The following CARD8 variants were observed in gnomAD, a reference collection of about 807,000 sequenced individuals.
CARD8 encodes caspase recruitment domain-containing protein 8.
In CARD8, 38 loss-of-function variants were observed where a neutral mutation model predicts 53.2. The observed-to-expected ratio is 0.71, with a 90% confidence interval of 0.55 to 0.94. CARD8 has a LOEUF of 0.94. Ranked by LOEUF, CARD8 falls within the 40% of genes least tolerant of loss-of-function variation. The pLI is 0.00. For synonymous variants in CARD8, 245 were observed against 244.9 expected (o/e 1.00, Z 0.00); for missense variants, 561 against 655.5 (o/e 0.86, Z 1.57).
downstream of CARD8, among the ~76,000 whole-genome samples, chr19:48,205,664 A>G (rs1037899077): frequency 2.0e-5 from 3 of 152,182 alleles, no homozygotes; most frequent in African/African-American, 4.8e-5. Flanking sequence ...ACAGATGAGG[A>G]AACTGCACCA....
intron 10 of CARD8, among the ~76,000 whole-genome samples, chr19:48,227,802 CA>C (rs35853514): frequency 0.69 from 89,805 of 130,386 alleles, 28,682 homozygotes; most frequent in South Asian, 0.75. Flanking sequence ...GACTCCATCA[CA>C]AAAAAAAAAA....
chr19:48,219,091 A>G, intron 11 of CARD8, 79 bp from the exon 12 acceptor site: 1 of 1,344,238 alleles, frequency 7.4e-7, no homozygotes, highest in Non-Finnish European at 1.1e-6. Flanking sequence ...GGCCAATGGA[A>G]CTTAACCCGT....
intron 5 of CARD8, among the ~76,000 whole-genome samples, chr19:48,236,924 C>T (rs923490871): frequency 4.6e-5 from 7 of 152,034 alleles, no homozygotes; most frequent in Non-Finnish European, 8.8e-5. Context: ...TACAGGCATG[C>T]GCCACCAAGC....
intron 10 of CARD8, 23 bp downstream of exon 10, chr19:48,230,415 G>A: frequency 6.3e-7 from 1 of 1,575,862 alleles, no homozygotes; most frequent in Non-Finnish European, 8.6e-7. Flanking sequence ...ATCTTCTCTG[G>A]TCTCCTAAAT....
chr19:48,251,943 C>G (rs1025023241), intron 1 of CARD8, among the ~76,000 whole-genome samples: 1 of 152,078 alleles, frequency 6.6e-6, no homozygotes, highest in Admixed American at 6.6e-5. Context: ...TGCTTGGTTG[C>G]TTTGTGTGCT....
Position 48,230,853 on chromosome 19 carries a change from G to T in CARD8, c.696C>A (p.Gly232=). ...LQHHEQWLVG[G]PLFDVTAEPE... is the part of the protein sequence containing the mutation. The stretch of plus-strand genomic sequence containing the variant: ...GCTCTGCAGTGACATCAAACAAGGG[G>T]CCGCCCACCAGCCACTGTTCATGGT... The change falls in exon 9 of 14, where the codon GGC becomes GGA. Residue 232 remains glycine, a synonymous_variant. Transcript: ENST00000651546. 1 of 1,614,138 alleles carries T rather than the reference G, an allele frequency of 6.2e-7. No homozygotes were observed. Among genetic ancestry groups the T allele is most frequent in the African/African-American group, 1.3e-5 (1 of 75,030 alleles).
chr19:48,240,707 T>C (rs1002583103), intron 4 of CARD8, among the ~76,000 whole-genome samples: 13 of 151,508 alleles, frequency 8.6e-5, no homozygotes, highest in Non-Finnish European at 1.8e-4. Flanking sequence ...AGGCAGAGGT[T>C]GTAGTGAGCT....
At chr19:48,247,720 T>C (rs12976236) in intron 3 of CARD8, among the ~76,000 whole-genome samples, 6,494 of 150,538 alleles carry the variant, frequency 0.043, 260 homozygotes, top group African/African-American at 0.1. Flanking sequence ...CAAAATTTTA[T>C]ATATATATAC....
At chr19:48,221,699 A>T (rs2040662563) in intron 11 of CARD8, 31 bp downstream of exon 11, 2 of 1,478,126 alleles carry the variant, frequency 1.4e-6, no homozygotes, top group Non-Finnish European at 9.1e-7. Flanking sequence ...ACACTCTGAA[A>T]CCTGCTGAGT....
rs1333177117 is a variant in CARD8 at position 48,209,798 on chromosome 19, CAT to C, written c.*1910_*1911del. 1 of 152,206 alleles carries C rather than the reference CAT, an allele frequency of 6.6e-6. No individual in the cohort carries two copies. Among genetic ancestry groups the C allele is most frequent in the Non-Finnish European group, 1.5e-5 (1 of 68,014 alleles). The allele number at this position is 152,206 out of a possible 1,614,324, so 9.4% of individuals were successfully genotyped here. A position where few individuals can be genotyped will look rare whatever the true frequency, so the allele number is the denominator to read the frequency against. On this transcript the variant is annotated 3_prime_UTR_variant, in exon 14 of 14. Transcript: ENST00000651546. ...TCAAACTAGGTTTAGAGTAGCAAAGCATATGAATTTTACAGTAGAAGACATGA... is the reference window on the plus strand; with the variant it reads ...TCAAACTAGGTTTAGAGTAGCAAAGCATGAATTTTACAGTAGAAGACATGA...
rs945361748 is a variant in CARD8, at chr19:48,211,246, T to C, written c.*464A>G. The C allele has an allele frequency of 1.9e-5, 3 of 154,626 alleles. No homozygotes were observed. Among genetic ancestry groups the C allele is most frequent in the Admixed American group, 6.4e-5 (1 of 15,622 alleles). The allele number at this position is 154,626 out of a possible 1,614,324, so 9.6% of individuals were successfully genotyped here. On this transcript the variant is annotated 3_prime_UTR_variant, in exon 14 of 14. Transcript: ENST00000651546. Reference sequence around the variant, plus strand: ...ACAAAAAAAAAAAAGACTGTCATCATGTATGCCTTGAGTGTCCTCAGCTGA... The same window carrying C: ...ACAAAAAAAAAAAAGACTGTCATCACGTATGCCTTGAGTGTCCTCAGCTGA...
At chr19:48,234,130 T>C (rs1240256596) in intron 6 of CARD8, 1 of 332,506 alleles carries the variant, frequency 3.0e-6, no homozygotes, top group Non-Finnish European at 5.5e-6. Flanking sequence ...TGGTTTTATG[T>C]ATTGAGTAAC....
chr19:48,246,461 A>G (rs1185399456), intron 3 of CARD8, among the ~76,000 whole-genome samples: 1 of 152,014 alleles, frequency 6.6e-6, no homozygotes, highest in African/African-American at 2.4e-5. Context: ...CTTTGTCCTA[A>G]TCTCTCTCAG....
intron 12 of CARD8, among the ~76,000 whole-genome samples, chr19:48,217,335 A>G (rs2039539290): frequency 6.6e-6 from 1 of 152,200 alleles, no homozygotes; most frequent in Non-Finnish European, 1.5e-5. Flanking sequence ...CAGCAGCAAC[A>G]GGCAAAACTC....
downstream of CARD8, chr19:48,204,015 G>A: frequency 2.7e-6 from 1 of 375,252 alleles, no homozygotes; most frequent in Non-Finnish European, 5.4e-6. Context: ...AGCATGTGCA[G>A]GCTGCGGGGT....
rs1482797960 is a variant in CARD8, at chr19:48,211,220, T to C, written c.*490A>G. ...TAGATAAAGTGTTAAAGTCCTAACA[T>C]ACAAAAAAAAAAAAGACTGTCATCA... On this transcript the variant is annotated 3_prime_UTR_variant, in exon 14 of 14. Coordinates refer to ENST00000651546, the MANE Select transcript of CARD8 (RefSeq NM_001184900.3). The C allele has an allele frequency of 6.6e-6, 1 of 151,338 alleles. No individual in the cohort carries two copies. The highest frequency in any genetic ancestry group is 1.5e-5 in the Non-Finnish European group (1 of 68,630). The allele number at this position is 151,338 out of a possible 1,614,324, so 9.4% of individuals were successfully genotyped here.
At chr19:48,217,888 T>C (rs902477587) in intron 12 of CARD8, among the ~76,000 whole-genome samples, 1 of 152,198 alleles carries the variant, frequency 6.6e-6, no homozygotes, top group Non-Finnish European at 1.5e-5. Context: ...GATAAAACAT[T>C]TTCCAGAACT....
chr19:48,248,240 T>C (rs1689475111), intron 3 of CARD8, among the ~76,000 whole-genome samples: 7 of 152,172 alleles, frequency 4.6e-5, no homozygotes, highest in Admixed American at 4.6e-4. Flanking sequence ...GTTATAGCCT[T>C]GCCTGCACGT....
rs996227718 is a variant in CARD8 at position 48,210,842 on chromosome 19, G to A, written c.*868C>T. On this transcript the variant is annotated 3_prime_UTR_variant, in exon 14 of 14. Transcript: ENST00000651546. ...ATTAAACATAAAAGGATGGAAATAT[G>A]TGTGCCACGAAAACATTAATCAAAA... The A allele has an allele frequency of 6.6e-6, 1 of 152,330 alleles. No individual in the cohort carries two copies. Among genetic ancestry groups the A allele is most frequent in the Non-Finnish European group, 1.5e-5 (1 of 68,018 alleles). 9.4% of individuals were successfully genotyped at this position (152,330 alleles called of 1,614,324 possible).
Sources: gnomAD v4.1 joint callset for allele counts (sites outside exome capture counted in the v4.1 genomes callset) on GRCh38, gnomAD v4.1.1 for gene constraint, MANE v1.5 for transcripts, NCBI Gene and HGNC (gene_info 2026-07-23, HGNC 2026-07-21) for gene names.